The following PPP3CC variants were observed in gnomAD, a reference collection of about 807,000 sequenced individuals.
The protein encoded by PPP3CC is protein phosphatase 3 catalytic subunit gamma, also known as serine/threonine-protein phosphatase 2B catalytic subunit gamma isoform.
In PPP3CC, 35 loss-of-function variants were observed where a neutral mutation model predicts 60.3. That is an observed-to-expected ratio of 0.58 (90% CI 0.44 to 0.77). The LOEUF is 0.77. Ranked by LOEUF, PPP3CC falls within the 30% of genes least tolerant of loss-of-function variation. The pLI, the probability that PPP3CC is intolerant of heterozygous loss-of-function variation, is 0.00. For synonymous variants in PPP3CC, 206 were observed against 224.3 expected, an observed-to-expected ratio of 0.92 and a Z score of 0.73; for missense variants, 570 against 628.9, an observed-to-expected ratio of 0.91 and a Z score of 1.00.
chr8:22,495,392 A>C (rs1312145030), intron 3 of PPP3CC, among the ~76,000 whole-genome samples: 1 of 152,082 alleles, frequency 6.6e-6, no homozygotes, highest in African/African-American at 2.4e-5. Flanking sequence ...GGTTGTTCCT[A>C]ATATTTTACT....
At chr8:22,479,875 T>A (rs746474500) in intron 3 of PPP3CC, among the ~76,000 whole-genome samples, 2 of 152,158 alleles carry the variant, frequency 1.3e-5, no homozygotes, top group Non-Finnish European at 2.9e-5. Context: ...TATGTATTGC[T>A]GTTTGAGAAA....
chr8:22,452,018 G>GT (rs1376787851), intron 1 of PPP3CC, among the ~76,000 whole-genome samples: 2 of 88,272 alleles, frequency 2.3e-5, no homozygotes, highest in African/African-American at 1.2e-4. Flanking sequence ...TGTGCATAAT[G>GT]GTTTTTTTTT....
intron 4 of PPP3CC, among the ~76,000 whole-genome samples, chr8:22,504,298 T>A (rs1239137205): frequency 1.3e-5 from 2 of 152,204 alleles, no homozygotes; most frequent in Non-Finnish European, 2.9e-5. Context: ...GTCTAACAGT[T>A]AAACAAAATT....
intron 1 of PPP3CC, among the ~76,000 whole-genome samples, chr8:22,465,546 A>G (rs1028788828): frequency 9.9e-5 from 15 of 152,160 alleles, no homozygotes; most frequent in Non-Finnish European, 1.3e-4. Flanking sequence ...GAATGCATTA[A>G]TGTTGATTAT....
At chr8:22,480,952 T>C (rs779373753) in intron 3 of PPP3CC, among the ~76,000 whole-genome samples, 1 of 152,216 alleles carries the variant, frequency 6.6e-6, no homozygotes, top group Non-Finnish European at 1.5e-5. Context: ...AAAGACTTAA[T>C]TGAGGATTTG....
intron 1 of PPP3CC, among the ~76,000 whole-genome samples, chr8:22,470,715 G>A (rs1479889349): frequency 3.3e-5 from 5 of 152,260 alleles, no homozygotes; most frequent in African/African-American, 7.2e-5. Flanking sequence ...AAGAGATACC[G>A]GTAGACGTTC....
chr8:22,499,568 G>T (rs1838703317), intron 4 of PPP3CC, among the ~76,000 whole-genome samples: 1 of 152,200 alleles, frequency 6.6e-6, no homozygotes, highest in Non-Finnish European at 1.5e-5. Flanking sequence ...ACCAGCCTTG[G>T]CAATACAGCG....
intron 3 of PPP3CC, among the ~76,000 whole-genome samples, chr8:22,493,376 C>CAA (rs199822256): frequency 4.5e-5 from 6 of 132,236 alleles, no homozygotes; most frequent in African/African-American, 1.6e-4. Context: ...CCTAGTATAC[C>CAA]AAAAAAAAAA....
intron 4 of PPP3CC, among the ~76,000 whole-genome samples, chr8:22,501,035 A>G (rs1242435947): frequency 1.3e-5 from 2 of 152,070 alleles, no homozygotes; most frequent in Non-Finnish European, 2.9e-5. Context: ...GCACTTACCT[A>G]TAGTCCCAGC....
chr8:22,514,501 T>G (rs1216816779), intron 6 of PPP3CC, among the ~76,000 whole-genome samples: 1 of 151,818 alleles, frequency 6.6e-6, no homozygotes, highest in Non-Finnish European at 1.5e-5. Context: ...AAAATTTTTG[T>G]GGGTACATAG....
intron 3 of PPP3CC, among the ~76,000 whole-genome samples, chr8:22,496,274 G>T (rs1411009678): frequency 6.6e-6 from 1 of 151,590 alleles, no homozygotes; most frequent in Non-Finnish European, 1.5e-5. Context: ...CCACTGTTTT[G>T]ATTATAGACA....
intron 1 of PPP3CC, among the ~76,000 whole-genome samples, chr8:22,459,917 G>A (rs997798636): frequency 6.6e-6 from 1 of 152,148 alleles, no homozygotes; most frequent in African/African-American, 2.4e-5. Context: ...TTGAAAAATT[G>A]TTCTTCTAAA....
intron 4 of PPP3CC, among the ~76,000 whole-genome samples, chr8:22,503,336 C>T (rs551567662): frequency 5.1e-4 from 77 of 152,028 alleles, no homozygotes; most frequent in Non-Finnish European, 8.1e-4. Context: ...CATTTCTTAC[C>T]TGGGAAAATT....
chr8:22,479,133 AT>A (rs981842669), intron 3 of PPP3CC, among the ~76,000 whole-genome samples: 1 of 152,110 alleles, frequency 6.6e-6, no homozygotes, highest in Non-Finnish European at 1.5e-5. Flanking sequence ...TTGAAAAATA[AT>A]TTTTTAATAA....
At chr8:22,527,065 A>T (rs1267564374) in intron 8 of PPP3CC, among the ~76,000 whole-genome samples, 1 of 152,192 alleles carries the variant, frequency 6.6e-6, no homozygotes, top group Non-Finnish European at 1.5e-5. Flanking sequence ...CATTTGGCCT[A>T]TAAAAGGAAA....
intron 3 of PPP3CC, among the ~76,000 whole-genome samples, chr8:22,480,696 C>T (rs1192518780): frequency 6.6e-6 from 1 of 152,156 alleles, no homozygotes; most frequent in African/African-American, 2.4e-5. Context: ...CCAGGCTGGT[C>T]TCCAACTCCT....
intron 3 of PPP3CC, among the ~76,000 whole-genome samples, chr8:22,486,350 C>A (rs1378233184): frequency 6.6e-6 from 1 of 152,122 alleles, no homozygotes; most frequent in Admixed American, 6.6e-5. Context: ...GTGGTCTGAA[C>A]TACTCAAGCC....
chr8:22,522,987 T>C (rs779330909), intron 8 of PPP3CC, among the ~76,000 whole-genome samples: 1 of 152,320 alleles, frequency 6.6e-6, no homozygotes. Flanking sequence ...ATAGGTCAGA[T>C]TGATACTACA....
intron 3 of PPP3CC, 65 bp from the exon 4 acceptor site, chr8:22,497,936 T>C (rs1838638439): frequency 2.9e-6 from 3 of 1,037,312 alleles, no homozygotes; most frequent in African/African-American, 3.2e-5. Flanking sequence ...ATTTGAATTA[T>C]ATAAATTGTG....
Sources: allele counts gnomAD v4.1 joint callset (sites outside exome capture counted in the v4.1 genomes callset), GRCh38; gene constraint gnomAD v4.1.1; transcripts MANE v1.5; gene names NCBI Gene and HGNC (gene_info 2026-07-23, HGNC 2026-07-21).